CCNY: variants seen among roughly 807,000 people sequenced by gnomAD.
CCNY encodes the protein cyclin Y.
A neutral mutation model predicts 42.8 loss-of-function variants in CCNY; 19 were observed. The observed-to-expected ratio is 0.44, with a 90% confidence interval of 0.31 to 0.65. CCNY has a LOEUF of 0.65. Ranked by LOEUF, CCNY falls within the 30% of genes least tolerant of loss-of-function variation. The pLI is 0.07. For synonymous variants in CCNY, 165 were observed against 162.7 expected (o/e 1.01, Z -0.11); for missense variants, 370 against 437.3 (o/e 0.85, Z 1.37).
At chr10:35,521,893 G>A (rs1473946970) in intron 4 of CCNY, among the ~76,000 whole-genome samples, 1 of 152,044 alleles carries the variant, frequency 6.6e-6, no homozygotes, top group Non-Finnish European at 1.5e-5. Context: ...AACAATGACC[G>A]GCACAGCTAA....
At chr10:35,362,505 C>T (rs977600166) in intron 1 of CCNY, among the ~76,000 whole-genome samples, 6 of 151,762 alleles carry the variant, frequency 4.0e-5, no homozygotes, top group Admixed American at 3.9e-4. Context: ...ATAGTCCAGA[C>T]GAGGCTTGGG....
chr10:35,367,714 G>A (rs557586167), intron 1 of CCNY, among the ~76,000 whole-genome samples: 3 of 152,296 alleles, frequency 2.0e-5, no homozygotes, highest in African/African-American at 4.8e-5. Flanking sequence ...GGTTGTCAGC[G>A]TGCGCCCATG....
intron 1 of CCNY, among the ~76,000 whole-genome samples, chr10:35,437,940 G>A (rs1332741740): frequency 6.6e-6 from 1 of 152,078 alleles, no homozygotes; most frequent in Non-Finnish European, 1.5e-5. Context: ...AATGAAAATA[G>A]TGTACAGGAA....
At chr10:35,482,168 G>GATTA (rs2135365201) in intron 1 of CCNY, among the ~76,000 whole-genome samples, 1 of 152,304 alleles carries the variant, frequency 6.6e-6, no homozygotes, top group Non-Finnish European at 1.5e-5. Context: ...GTGGATAAGT[G>GATTA]ATTAGGTGTT....
intron 1 of CCNY, among the ~76,000 whole-genome samples, chr10:35,342,553 C>G (rs1011570015): frequency 2.0e-5 from 3 of 152,128 alleles, no homozygotes; most frequent in African/African-American, 7.2e-5. Flanking sequence ...GAGTCGTTTG[C>G]TTCCACACAC....
At position 35,564,000 on chromosome 10, in the gene CCNY, C is replaced by A. The variant is rs182994902; in HGVS notation, c.747-2023C>A. Among the ~76,000 whole-genome samples the A allele has an allele frequency of 2.3e-3, 344 of 152,144 alleles. 1 individual carries two copies. The highest frequency in any genetic ancestry group is 7.8e-3 in the African/African-American group (324 of 41,510). ...CAAGTGATTCCCCTGCCTCAGCCTCCTGAGTAGCTTGAATTATAGGCATGT... is the reference window on the plus strand; with the variant it reads ...CAAGTGATTCCCCTGCCTCAGCCTCATGAGTAGCTTGAATTATAGGCATGT... On this transcript the variant is annotated intron_variant, in intron 8 of 9. Coordinates refer to ENST00000374704, the MANE Select transcript of CCNY (RefSeq NM_145012.6).
At chr10:35,264,668 T>C (rs2095723176) in intron 3 of CCNY, among the ~76,000 whole-genome samples, 1 of 152,308 alleles carries the variant, frequency 6.6e-6, no homozygotes, top group South Asian at 2.1e-4. Context: ...TTTTGTTTTG[T>C]TTTTGAGCCA....
intron 2 of CCNY, among the ~76,000 whole-genome samples, chr10:35,489,512 G>T (rs1839856498): frequency 6.6e-6 from 1 of 152,102 alleles, no homozygotes; most frequent in South Asian, 2.1e-4. Context: ...ATGTTAGCCA[G>T]GGTGGTCTCG....
intron 3 of CCNY, among the ~76,000 whole-genome samples, chr10:35,284,851 C>T (rs910186245): frequency 6.6e-6 from 1 of 152,010 alleles, no homozygotes; most frequent in Admixed American, 6.6e-5. Flanking sequence ...TGTAATTTCC[C>T]TTGGAACTTC....
chr10:35,458,959 C>A (rs934322387), intron 1 of CCNY, among the ~76,000 whole-genome samples: 1 of 152,064 alleles, frequency 6.6e-6, no homozygotes, highest in South Asian at 2.1e-4. Flanking sequence ...GATAGGGAGG[C>A]AGGGGACAGA....
chr10:35,393,119 T>C (rs757877375), intron 1 of CCNY, among the ~76,000 whole-genome samples: 4 of 152,188 alleles, frequency 2.6e-5, no homozygotes, highest in Non-Finnish European at 5.9e-5. Flanking sequence ...CTCCGTCTCC[T>C]TCCCCTATTA....
At chr10:35,521,931 A>G (rs1840555852) in intron 4 of CCNY, among the ~76,000 whole-genome samples, 2 of 152,092 alleles carry the variant, frequency 1.3e-5, no homozygotes, top group Non-Finnish European at 2.9e-5. Flanking sequence ...AAACAAGGGA[A>G]CCTGAAAAGA....
chr10:35,469,734 A>T (rs1839347370), intron 1 of CCNY, among the ~76,000 whole-genome samples: 1 of 151,784 alleles, frequency 6.6e-6, no homozygotes, highest in Non-Finnish European at 1.5e-5. Context: ...GGAGATGGAG[A>T]GACAGGGAAA....
intron 3 of CCNY, among the ~76,000 whole-genome samples, chr10:35,321,879 C>G (rs907255328): frequency 6.6e-6 from 1 of 152,126 alleles, no homozygotes; most frequent in South Asian, 2.1e-4. Flanking sequence ...ATAAATGAAC[C>G]CGCATGTCTA....
Position 35,292,485 on chromosome 10 carries a change from C to T in CCNY, c.-9+41859C>T, listed in dbSNP as rs113455047. Among the ~76,000 whole-genome samples the T allele has an allele frequency of 8.3e-3, 1,256 of 151,968 alleles. 20 individuals are homozygous for T. The highest frequency in any genetic ancestry group is 0.028 in the African/African-American group (1,179 of 41,422). ...TTCAAGCAATTCTGCCTCAGCCTCC[C>T]GAGTAGCTGGGATTACAGGCGTGCA... On this transcript the variant is annotated intron_variant, in intron 3 of 11. Transcript: ENST00000374706.
intron 3 of CCNY, chr10:35,314,620 T>C (rs1396138896): frequency 1.3e-5 from 2 of 152,208 alleles, no homozygotes; most frequent in Non-Finnish European, 2.9e-5. Context: ...TTGTATTTTA[T>C]TTCCATTTTT....
chr10:35,260,626 G>C (rs958385440), intron 3 of CCNY, among the ~76,000 whole-genome samples: 1 of 152,208 alleles, frequency 6.6e-6, no homozygotes, highest in South Asian at 2.1e-4. Flanking sequence ...AGGTCAATCA[G>C]GTCATTTGAT....
chr10:35,410,062 A>C (rs559789643), intron 1 of CCNY, among the ~76,000 whole-genome samples: 1 of 152,280 alleles, frequency 6.6e-6, no homozygotes, highest in South Asian at 2.1e-4. Flanking sequence ...TAGATTGTGC[A>C]ACTTAGATGG....
chr10:35,358,871 A>G (rs537926290), intron 1 of CCNY, among the ~76,000 whole-genome samples: 81 of 152,318 alleles, frequency 5.3e-4, no homozygotes, highest in African/African-American at 1.9e-3. Flanking sequence ...ATTTGAGGCC[A>G]GGTGAAGGGA....
Sources: allele counts gnomAD v4.1 joint callset (sites outside exome capture counted in the v4.1 genomes callset), GRCh38; gene constraint gnomAD v4.1.1; transcripts MANE v1.5; gene names NCBI Gene and HGNC (gene_info 2026-07-23, HGNC 2026-07-21).